The following METTL21A variants were observed in gnomAD, a reference collection of about 807,000 sequenced individuals.
METTL21A encodes the protein protein N-lysine methyltransferase METTL21A.
A neutral mutation model predicts 20.9 loss-of-function variants in METTL21A; 22 were observed. The ratio of observed to expected loss-of-function variants is 1.05; its 90% CI spans 0.75 to 1.50. METTL21A has a LOEUF of 1.50. Among genes scored for constraint, METTL21A ranks in the 40% most tolerant of loss-of-function variants. The pLI is 0.00. For missense variants in METTL21A, 271 were observed against 266.8 expected (o/e 1.02, Z -0.11); for synonymous variants, 93 against 102.0 (o/e 0.91, Z 0.53).
intron 3 of METTL21A, among the ~76,000 whole-genome samples, chr2:207,614,235 T>G (rs1478098753): frequency 6.6e-6 from 1 of 152,096 alleles, no homozygotes; most frequent in Non-Finnish European, 1.5e-5. Flanking sequence ...ACTCCATCTC[T>G]ACAAATAATT....
intron 3 of METTL21A, among the ~76,000 whole-genome samples, chr2:207,584,593 G>C (rs917032954): frequency 8.5e-5 from 13 of 152,086 alleles, no homozygotes; most frequent in South Asian, 2.1e-4. Flanking sequence ...GTAGAGACAG[G>C]GTTTCGCCAT....
intron 3 of METTL21A, among the ~76,000 whole-genome samples, chr2:207,618,639 CAG>C (rs907966724): frequency 2.0e-5 from 3 of 152,002 alleles, no homozygotes; most frequent in Admixed American, 6.6e-5. Flanking sequence ...GAGGCGGGGG[CAG>C]AGATTGAAGT....
chr2:207,615,107 A>C (rs1027509687), intron 3 of METTL21A, among the ~76,000 whole-genome samples: 4 of 152,152 alleles, frequency 2.6e-5, no homozygotes, highest in African/African-American at 9.7e-5. Flanking sequence ...TACCACTTTG[A>C]CCATTCGTTG....
chr2:207,587,834 G>T (rs978008376), intron 3 of METTL21A, among the ~76,000 whole-genome samples: 3 of 152,112 alleles, frequency 2.0e-5, no homozygotes, highest in Non-Finnish European at 4.4e-5. Flanking sequence ...TTGGTTAATG[G>T]ACACAAACTT....
At chr2:207,612,141 C>G (rs1260508426), downstream of METTL21A, 1 of 133,978 alleles carries the variant, frequency 7.5e-6, no homozygotes, top group Non-Finnish European at 1.5e-5. Context: ...CTCTTGTCCC[C>G]CAGGCTGGAG....
At chr2:207,584,194 G>T (rs1451556577) in intron 3 of METTL21A, among the ~76,000 whole-genome samples, 1 of 152,162 alleles carries the variant, frequency 6.6e-6, no homozygotes, top group East Asian at 1.9e-4. Flanking sequence ...TGCATGAAAT[G>T]TAACTAACTG....
chr2:207,603,939 T>G (rs1452602241), intron 3 of METTL21A, among the ~76,000 whole-genome samples: 2 of 152,226 alleles, frequency 1.3e-5, no homozygotes, highest in African/African-American at 4.8e-5. Flanking sequence ...ATTTGTATGT[T>G]TCTTCACTGC....
chr2:207,624,107 T>G, intron 2 of METTL21A, 122 bp downstream of exon 2: 1 of 1,213,134 alleles, frequency 8.2e-7, no homozygotes, highest in South Asian at 1.7e-5. Flanking sequence ...TTGTGCACTT[T>G]AAATAGGTAA....
chr2:207,615,700 AAAAAAAAAAG>A (rs1185266799), intron 3 of METTL21A: 14 of 152,404 alleles, frequency 9.2e-5, no homozygotes, highest in Non-Finnish European at 1.9e-4. Context: ...GTCTAAAAAA[AAAAAAAAAAG>A]AAAAGAAAAG....
At chr2:207,615,251 C>T (rs2089533275) in intron 3 of METTL21A, among the ~76,000 whole-genome samples, 1 of 152,128 alleles carries the variant, frequency 6.6e-6, no homozygotes, top group South Asian at 2.1e-4. Context: ...GCAGGAGCAT[C>T]ACTTGAGCCC....
At chr2:207,588,492 T>C (rs2084304774) in intron 3 of METTL21A, among the ~76,000 whole-genome samples, 2 of 152,216 alleles carry the variant, frequency 1.3e-5, no homozygotes, top group South Asian at 4.1e-4. Flanking sequence ...TAAAATTGTT[T>C]GGCTATTCTG....
exon 1 of METTL21A, chr2:207,625,377 C>G (rs1177662063): frequency 6.6e-6 from 1 of 152,076 alleles, no homozygotes; most frequent in Admixed American, 6.5e-5. Context: ...CGGCCCCGGC[C>G]CGGAGCCACG....
chr2:207,622,457 G>C (rs968052185), intron 2 of METTL21A, among the ~76,000 whole-genome samples: 2 of 152,136 alleles, frequency 1.3e-5, no homozygotes, highest in African/African-American at 4.8e-5. Context: ...ATCACACCCA[G>C]CCTGGAAAGC....
intron 3 of METTL21A, among the ~76,000 whole-genome samples, chr2:207,596,431 G>GT (rs776239413): frequency 5.2e-4 from 79 of 152,208 alleles, no homozygotes; most frequent in Admixed American, 1.3e-3. Context: ...TTATGGAGTT[G>GT]TTTTTTTGTT....
chr2:207,613,211 G>A (rs2089219116), exon 4 of METTL21A: 1 of 1,613,732 alleles, frequency 6.2e-7, no homozygotes, highest in African/African-American at 1.3e-5. Flanking sequence ...CAGAGTGATT[G>A]CTACAGAGAT....
At chr2:207,599,008 T>G (rs1237754528) in intron 3 of METTL21A, 1 of 185,386 alleles carries the variant, frequency 5.4e-6, no homozygotes, top group African/African-American at 2.3e-5. Context: ...GGATCCATTT[T>G]AAAATAAGAT....
downstream of METTL21A, among the ~76,000 whole-genome samples, chr2:207,608,843 C>T (rs148951991): frequency 0.025 from 3,870 of 152,294 alleles, 271 homozygotes; most frequent in East Asian, 0.23. Flanking sequence ...AGGAGAATGG[C>T]GTGAATACGG....
chr2:207,583,398 A>G (rs1366434469), intron 3 of METTL21A, among the ~76,000 whole-genome samples: 1 of 152,206 alleles, frequency 6.6e-6, no homozygotes, highest in Non-Finnish European at 1.5e-5. Flanking sequence ...CTTGGCTTAT[A>G]TGTTTGTTTA....
In METTL21A at chr2:207,613,240, G is replaced by C. The variant is rs751450546; in HGVS notation, c.463C>G (p.Leu155Val). The change falls in exon 4 of 4, where the codon CTT becomes GTT. Residue 155 changes from leucine (L) to valine (V), a missense_variant. Coordinates refer to ENST00000406927, the Ensembl canonical transcript of METTL21A. Reference sequence around the variant, plus strand: ...CAGAGATGTTCCAGTGTCTGAAGAAGATCTGTGAATGTTTCTTCTAAATAT... The same window carrying C: ...CAGAGATGTTCCAGTGTCTGAAGAACATCTGTGAATGTTTCTTCTAAATAT... The C allele has an allele frequency of 6.2e-7, 1 of 1,613,128 alleles. No homozygotes were observed. The highest frequency in any genetic ancestry group is 8.5e-7 in the Non-Finnish European group (1 of 1,179,698).
Sources: allele counts gnomAD v4.1 joint callset (sites outside exome capture counted in the v4.1 genomes callset), GRCh38; gene constraint gnomAD v4.1.1; transcripts MANE v1.5; gene names NCBI Gene and HGNC (gene_info 2026-07-23, HGNC 2026-07-21).